CTDSPL2: variants seen among roughly 807,000 people sequenced by gnomAD.
CTDSPL2 encodes the protein CTD small phosphatase-like protein 2.
A neutral mutation model predicts 60.0 loss-of-function variants in CTDSPL2; 5 were observed. The ratio of observed to expected loss-of-function variants is 0.08; its 90% CI spans 0.04 to 0.18. CTDSPL2 has a LOEUF of 0.18. CTDSPL2 is among the 10% of genes least tolerant of loss of function. The pLI is 1.00. For missense variants in CTDSPL2, 370 were observed against 548.8 expected (o/e 0.67, Z 3.26); for synonymous variants, 186 against 189.3 (o/e 0.98, Z 0.14).
intron 1 of CTDSPL2, among the ~76,000 whole-genome samples, chr15:44,440,898 G>C (rs180998729): frequency 2.9e-4 from 44 of 152,236 alleles, no homozygotes; most frequent in Middle Eastern, 3.4e-3. Flanking sequence ...TGTTGTTGCA[G>C]AGGGTACCTT....
chr15:44,459,451 C>A (rs2080517466), intron 2 of CTDSPL2, among the ~76,000 whole-genome samples: 1 of 152,036 alleles, frequency 6.6e-6, no homozygotes, highest in Non-Finnish European at 1.5e-5. Context: ...GGCTTGAACC[C>A]TAGGGGGCGG....
intron 8 of CTDSPL2, among the ~76,000 whole-genome samples, chr15:44,506,258 C>T (rs1231008296): frequency 2.0e-5 from 3 of 150,988 alleles, no homozygotes; most frequent in Non-Finnish European, 4.4e-5. Context: ...TTGAACTCCT[C>T]ACCTCAAGTG....
At chr15:44,517,079 C>T (rs1196844162) in intron 10 of CTDSPL2, among the ~76,000 whole-genome samples, 1 of 151,116 alleles carries the variant, frequency 6.6e-6, no homozygotes, top group Non-Finnish European at 1.5e-5. Context: ...ACCTCGTGAT[C>T]CGCCCACGTT....
At chr15:44,517,119 TG>T (rs2081667673) in intron 10 of CTDSPL2, 1 of 148,376 alleles carries the variant, frequency 6.7e-6, no homozygotes, top group African/African-American at 2.5e-5. Context: ...ATTACAGGCG[TG>T]AGCCACCGCG....
rs1270757675 is a variant in CTDSPL2 at position 44,524,947 on chromosome 15, G to T, written c.*773G>T. 1 of 153,842 alleles carries T rather than the reference G, an allele frequency of 6.5e-6. No individual in the cohort carries two copies. The highest frequency in any genetic ancestry group is 1.5e-5 in the Non-Finnish European group (1 of 68,926). 9.5% of individuals were successfully genotyped at this position (153,842 alleles called of 1,614,324 possible). ...ACTGGGTAGATAAGAATATATGAATGACTAATATACAAAAGATTTAAACCA... is the reference window on the plus strand; with the variant it reads ...ACTGGGTAGATAAGAATATATGAATTACTAATATACAAAAGATTTAAACCA... On this transcript the variant is annotated 3_prime_UTR_variant, in exon 13 of 13. Coordinates refer to ENST00000260327, the MANE Select transcript of CTDSPL2 (RefSeq NM_016396.3).
Position 44,525,587 on chromosome 15 carries a change from T to C in CTDSPL2, c.*1413T>C. ...ATATTTTGTATGCTTGTTAAGAAAG[T>C]ACAGTATTGGAAATTAAAGGTGGAC... is the stretch of plus-strand genomic sequence containing the variant. On this transcript the variant is annotated 3_prime_UTR_variant, in exon 13 of 13. Coordinates refer to ENST00000260327, the MANE Select transcript of CTDSPL2 (RefSeq NM_016396.3). 1 of 398,084 alleles carries C rather than the reference T, an allele frequency of 2.5e-6. No homozygotes were observed. The highest frequency in any genetic ancestry group is 6.3e-4 in the Middle Eastern group (1 of 1,584). 24.7% of individuals were successfully genotyped at this position (398,084 alleles called of 1,614,324 possible).
intron 2 of CTDSPL2, among the ~76,000 whole-genome samples, chr15:44,478,537 T>A (rs2080966770): frequency 6.6e-6 from 1 of 150,778 alleles, no homozygotes; most frequent in Admixed American, 6.6e-5. Flanking sequence ...GTGCCCTCTA[T>A]GCTTGAAAAT....
Position 44,497,086 on chromosome 15 carries a change from C to T in CTDSPL2, c.830C>T (p.Ala277Val), listed in dbSNP as rs1567094112. ...GAAGAACAACTAAATAGGAAACCTGCTCTTCCGTTGAAAACAAGAAGCACA... is the reference window on the plus strand; with the variant it reads ...GAAGAACAACTAAATAGGAAACCTGTTCTTCCGTTGAAAACAAGAAGCACA... ...LTEEQLNRKP[A>V]LPLKTRSTPE... The change falls in exon 7 of 13, where the codon GCT becomes GTT. Residue 277 changes from alanine to valine, a missense_variant. Ala to Val is a moderately conservative substitution (Grantham distance 64, BLOSUM62 0). Around this residue, in one of 6 missense-constraint regions of CTDSPL2, gnomAD observed 16 missense variants for 44.3 expected, o/e 0.36. Transcript: ENST00000260327. The T allele has an allele frequency of 6.2e-7, 1 of 1,611,878 alleles. No homozygotes were observed. Among genetic ancestry groups the T allele is most frequent in the South Asian group, 1.1e-5 (1 of 91,008 alleles).
chr15:44,478,943 G>A (rs1014536216), intron 2 of CTDSPL2, among the ~76,000 whole-genome samples: 1 of 152,072 alleles, frequency 6.6e-6, no homozygotes, highest in Non-Finnish European at 1.5e-5. Flanking sequence ...CCTGGGTGAC[G>A]GCTGTCTAGC....
At chr15:44,505,244 C>T (rs1421267348) in intron 8 of CTDSPL2, among the ~76,000 whole-genome samples, 2 of 151,766 alleles carry the variant, frequency 1.3e-5, no homozygotes, top group African/African-American at 2.4e-5. Flanking sequence ...CCAGCCTGGG[C>T]AATGTAGTGA....
At chr15:44,430,496 C>G (rs1378284067) in intron 1 of CTDSPL2, among the ~76,000 whole-genome samples, 2 of 152,042 alleles carry the variant, frequency 1.3e-5, no homozygotes, top group African/African-American at 4.8e-5. Flanking sequence ...ATCGTCCTGC[C>G]TCAGCCTCCC....
intron 1 of CTDSPL2, among the ~76,000 whole-genome samples, chr15:44,437,050 A>C (rs1273471417): frequency 6.6e-6 from 1 of 152,220 alleles, no homozygotes; most frequent in East Asian, 1.9e-4. Flanking sequence ...AATATTTTTA[A>C]TAGTTTTGTG....
intron 1 of CTDSPL2, among the ~76,000 whole-genome samples, chr15:44,441,328 T>C (rs1017280865): frequency 2.6e-5 from 4 of 152,068 alleles, no homozygotes; most frequent in African/African-American, 9.7e-5. Flanking sequence ...AAGAGAAGGA[T>C]CTGGTTGGGG....
intron 11 of CTDSPL2, 127 bp downstream of exon 11, chr15:44,519,422 A>AT (rs1003354181): frequency 8.4e-6 from 7 of 835,120 alleles, no homozygotes; most frequent in East Asian, 3.0e-5. Context: ...TTAATGTGTC[A>AT]TTTTTTTAGA....
chr15:44,465,299 A>G (rs1479772101), intron 2 of CTDSPL2, among the ~76,000 whole-genome samples: 3 of 152,180 alleles, frequency 2.0e-5, no homozygotes, highest in African/African-American at 7.2e-5. Flanking sequence ...TCTACCATGA[A>G]TCTCTGTATT....
chr15:44,499,107 G>A (rs2081347845), intron 7 of CTDSPL2, among the ~76,000 whole-genome samples: 1 of 151,862 alleles, frequency 6.6e-6, no homozygotes, highest in Non-Finnish European at 1.5e-5. Flanking sequence ...AATCCGAAGG[G>A]CTTCTAAAAA....
chr15:44,449,806 C>T (rs1301179311), intron 1 of CTDSPL2, among the ~76,000 whole-genome samples: 1 of 152,032 alleles, frequency 6.6e-6, no homozygotes, highest in African/African-American at 2.4e-5. Context: ...GCCTGGCCAA[C>T]ATGGCAAAAC....
intron 3 of CTDSPL2, 95 bp downstream of exon 3, chr15:44,484,457 G>C (rs1052134484): frequency 2.5e-6 from 3 of 1,178,476 alleles, no homozygotes; most frequent in African/African-American, 3.1e-5. Flanking sequence ...CTTTGAGGCC[G>C]GGTGCAGTGG....
At chr15:44,478,300 A>G (rs2080958674) in intron 2 of CTDSPL2, among the ~76,000 whole-genome samples, 1 of 151,086 alleles carries the variant, frequency 6.6e-6, no homozygotes, top group African/African-American at 2.4e-5. Flanking sequence ...GAAAATACAA[A>G]AATTTCCTCA....
Sources: gnomAD v4.1 joint callset for allele counts (sites outside exome capture counted in the v4.1 genomes callset) on GRCh38, gnomAD v4.1.1 for gene constraint, gnomAD v4.1.1 regional missense constraint, MANE v1.5 for transcripts, NCBI Gene and HGNC (gene_info 2026-07-23, HGNC 2026-07-21) for gene names.